The following LAMA2 variants were observed in gnomAD, a reference collection of about 807,000 sequenced individuals.
LAMA2 encodes the protein laminin subunit alpha-2.
Under a neutral mutation model 364.8 loss-of-function variants are expected in LAMA2, and 269 were observed. The ratio of observed to expected loss-of-function variants is 0.74; its 90% CI spans 0.67 to 0.82. The LOEUF is 0.82. Ranked by LOEUF, LAMA2 falls within the 40% of genes least tolerant of loss-of-function variation. LAMA2 has a pLI of 0.00. For missense variants in LAMA2, 3,807 were observed against 3,873.2 expected, an observed-to-expected ratio of 0.98 and a Z score of 0.45; for synonymous variants, 1,379 against 1,370.6, an observed-to-expected ratio of 1.01 and a Z score of -0.14.
chr6:129,095,169 T>C (rs4629708), intron 3 of LAMA2, among the ~76,000 whole-genome samples: 37,648 of 152,118 alleles, frequency 0.25, 5,377 homozygotes, highest in African/African-American at 0.4. Flanking sequence ...ATGTTTACCC[T>C]GAGATAACTT....
At chr6:129,245,482 G>C (rs1023224438) in intron 12 of LAMA2, among the ~76,000 whole-genome samples, 1 of 152,108 alleles carries the variant, frequency 6.6e-6, no homozygotes, top group Non-Finnish European at 1.5e-5. Flanking sequence ...GAACTAATTT[G>C]AAAGTCTCAA....
intron 29 of LAMA2, among the ~76,000 whole-genome samples, chr6:129,332,888 T>A (rs1406902025): frequency 4.0e-4 from 4 of 9,938 alleles, no homozygotes; most frequent in Non-Finnish European, 7.3e-4. Context: ...TTACCATTTT[T>A]TTTTTTTTTT....
intron 35 of LAMA2, among the ~76,000 whole-genome samples, chr6:129,388,672 T>TACACACACACACAC (rs1489793369): frequency 1.4e-4 from 22 of 152,158 alleles, no homozygotes; most frequent in African/African-American, 5.3e-4. Flanking sequence ...AGCTGATTTA[T>TACACACACACACAC]ACACGCACAC....
intron 14 of LAMA2, among the ~76,000 whole-genome samples, chr6:129,255,485 C>A (rs1164349168): frequency 6.7e-6 from 1 of 150,010 alleles, no homozygotes; most frequent in East Asian, 2.0e-4. Context: ...TAACAGTCAC[C>A]CAGGCCTGTA....
chr6:129,068,329 G>A (rs1356873575), intron 3 of LAMA2, among the ~76,000 whole-genome samples: 5 of 152,160 alleles, frequency 3.3e-5, no homozygotes, highest in Non-Finnish European at 7.4e-5. Flanking sequence ...TTATAACAAA[G>A]TACCAGATGA....
At chr6:129,214,232 A>C in intron 12 of LAMA2, among the ~76,000 whole-genome samples, 1 of 152,194 alleles carries the variant, frequency 6.6e-6, no homozygotes. Context: ...CTTGTGCTGC[A>C]TCTTAACATG....
chr6:129,154,695 T>C lies in LAMA2; in HGVS notation c.1206+12T>C. 1 of 1,608,978 alleles carries C rather than the reference T, an allele frequency of 6.2e-7. No individual in the cohort carries two copies. Among genetic ancestry groups the C allele is most frequent in the Non-Finnish European group, 8.5e-7 (1 of 1,175,658 alleles). On this transcript the variant is annotated intron_variant, in intron 8 of 64. Transcript: ENST00000421865. ...TCAGACCCAAAGGGGTAAAGTATGC[T>C]TTTTCTTTCATAAAGAGTTATTTTT... is the stretch of plus-strand genomic sequence containing the variant.
intron 1 of LAMA2, among the ~76,000 whole-genome samples, chr6:128,931,590 A>G (rs1231521225): frequency 1.3e-5 from 2 of 152,242 alleles, no homozygotes; most frequent in Non-Finnish European, 2.9e-5. Flanking sequence ...CTTACAGGAC[A>G]TGAATGGTAC....
chr6:129,031,147 C>A (rs2114733254), intron 1 of LAMA2, among the ~76,000 whole-genome samples: 1 of 152,196 alleles, frequency 6.6e-6, no homozygotes, highest in South Asian at 2.1e-4. Context: ...TGCTAGAGAA[C>A]AAAGTGTTTT....
At chr6:129,149,908 A>G (rs1778695585) in intron 7 of LAMA2, among the ~76,000 whole-genome samples, 1 of 152,194 alleles carries the variant, frequency 6.6e-6, no homozygotes. Context: ...CATAGGCTGT[A>G]TGCAAGTACT....
At chr6:129,280,508 T>C (rs1230536167) in intron 18 of LAMA2, among the ~76,000 whole-genome samples, 2 of 152,192 alleles carry the variant, frequency 1.3e-5, no homozygotes, top group Non-Finnish European at 2.9e-5. Context: ...ATTAGCTTTT[T>C]GTCCTTAAAA....
rs3062342 is a variant in LAMA2 at position 129,314,398 on chromosome 6, C to CAAAAAAAAAAAAAAAAAAAAAAAAA, written c.3412-236_3412-235insAAAAAAAAAAAAAAAAAAAAAAAAA. 1.6e-4 allele frequency among the ~76,000 whole-genome samples: 13 copies of CAAAAAAAAAAAAAAAAAAAAAAAAA among 81,858 alleles called. 1 individual carries two copies. Among genetic ancestry groups the CAAAAAAAAAAAAAAAAAAAAAAAAA allele is most frequent in the African/African-American group, 3.8e-4 (7 of 18,186 alleles). The allele number at this position is 81,858 out of a possible 152,430, so 53.7% of individuals were successfully genotyped here. ...TGGGCGAAAGAGCGAGACTCCGTCT[C>CAAAAAAAAAAAAAAAAAAAAAAAAA]AAAAAAAAAAAAAAAAAAAAAGTAC... On this transcript the variant is annotated intron_variant, in intron 23 of 64. Coordinates refer to ENST00000421865, the MANE Select transcript of LAMA2 (RefSeq NM_000426.4).
At chr6:129,253,757 CT>C (rs1220382069) in intron 14 of LAMA2, among the ~76,000 whole-genome samples, 3 of 152,188 alleles carry the variant, frequency 2.0e-5, no homozygotes, top group Non-Finnish European at 4.4e-5. Context: ...ACATTTCCCC[CT>C]GATTTATGTT....
In LAMA2 at chr6:129,328,377, A is replaced by G. The variant is rs1360255857; in HGVS notation, c.4276A>G (p.Ser1426Gly). The change falls in exon 29 of 65, where the codon AGC (serine) becomes GGC (glycine). Residue 1426 changes from serine (S) to glycine (G), a missense_variant. This residue lies in a region of LAMA2 where 3,333 missense variants were observed against 3,345.7 expected (regional missense o/e 1.00). Coordinates refer to ENST00000421865, the MANE Select transcript of LAMA2 (RefSeq NM_000426.4). ...TGTTCCATGTCAATGTAATGGACACAGCAGCCTGTGTGACCCTGAAACATC... is the reference window on the plus strand; with the variant it reads ...TGTTCCATGTCAATGTAATGGACACGGCAGCCTGTGTGACCCTGAAACATC... Reference protein sequence around the residue: ...TCVPCQCNGHSSLCDPETSIC... With the variant: ...TCVPCQCNGHGSLCDPETSIC... The G allele has an allele frequency of 6.2e-7, 1 of 1,614,212 alleles. No individual in the cohort carries two copies.
chr6:128,889,187 A>G (rs1211319030), intron 1 of LAMA2, among the ~76,000 whole-genome samples: 4 of 152,226 alleles, frequency 2.6e-5, no homozygotes, highest in African/African-American at 9.6e-5. Flanking sequence ...AATAGTATGC[A>G]CTTTAAAACA....
At chr6:129,291,190 C>T (rs1391199905) in intron 19 of LAMA2, among the ~76,000 whole-genome samples, 1 of 152,100 alleles carries the variant, frequency 6.6e-6, no homozygotes, top group African/African-American at 2.4e-5. Flanking sequence ...TTAAGTGTTA[C>T]CCTGATGTAT....
In LAMA2 at chr6:128,958,623, G is replaced by C. The variant is rs956646533; in HGVS notation, c.112+75266G>C. Among the ~76,000 whole-genome samples, 9 of 152,188 alleles carry C rather than the reference G, an allele frequency of 5.9e-5. No homozygotes were observed. In the South Asian group the frequency reaches 1.9e-3, roughly 32 times the overall value. ...ATCTTTTGGAAATACATATAATATT[G>C]ATGTGCTCTGGTTTTAATCATCACC... On this transcript the variant is annotated intron_variant, in intron 1 of 64. Coordinates refer to ENST00000421865, the MANE Select transcript of LAMA2 (RefSeq NM_000426.4).
At chr6:129,339,993 C>T in intron 29 of LAMA2, among the ~76,000 whole-genome samples, 1 of 142,902 alleles carries the variant, frequency 7.0e-6, no homozygotes, top group South Asian at 2.2e-4. Context: ...CAGAGCGAGA[C>T]TGTCTCAAAA....
rs879840323 is a variant in LAMA2 at position 129,270,842 on chromosome 6, G to A, written c.2450+91G>A. ...AAATATACACTTCCTTTTATCCCAT[G>A]TAAATAAATAATAAACACAGACATG... On this transcript the variant is annotated intron_variant, in intron 17 of 64. Coordinates refer to ENST00000421865, the MANE Select transcript of LAMA2 (RefSeq NM_000426.4). 88 of 1,325,044 alleles carry A rather than the reference G, an allele frequency of 6.6e-5. No individual in the cohort carries two copies. The Middle Eastern group carries it at 1.5e-3, about 22-fold the overall frequency. The allele number at this position is 1,325,044 out of a possible 1,614,324, so 82.1% of individuals were successfully genotyped here.
Sources: gnomAD v4.1 joint callset for allele counts (sites outside exome capture counted in the v4.1 genomes callset) on GRCh38, gnomAD v4.1.1 for gene constraint, gnomAD v4.1.1 regional missense constraint, MANE v1.5 for transcripts, NCBI Gene and HGNC (gene_info 2026-07-23, HGNC 2026-07-21) for gene names.